Variants in MRPL34 observed in about 807,000 individuals in gnomAD.
The protein encoded by MRPL34 is mitochondrial ribosomal protein L34.
A neutral mutation model predicts 6.7 loss-of-function variants in MRPL34; 8 were observed. That is an observed-to-expected ratio of 1.20 (90% CI 0.70 to 2.16). MRPL34 has a LOEUF of 2.16. Ranked by LOEUF, MRPL34 falls within the 30% of genes most tolerant of loss-of-function variation. The pLI is 0.00. For missense variants in MRPL34, 146 were observed against 125.5 expected, an observed-to-expected ratio of 1.16 and a Z score of -0.78; for synonymous variants, 59 against 55.1, an observed-to-expected ratio of 1.07 and a Z score of -0.31.
chr19:17,294,682 A>G, intron 1 of MRPL34: 1 of 1,613,808 alleles, frequency 6.2e-7, no homozygotes, highest in Non-Finnish European at 8.5e-7. Flanking sequence ...CACTTGAGGA[A>G]GCTCCAGGCC....
chr19:17,306,085 G>A, intron 1 of MRPL34, 81 bp from the exon 2 acceptor site: 1 of 1,509,504 alleles, frequency 6.6e-7, no homozygotes, highest in Non-Finnish European at 9.0e-7. Context: ...CTGTCTCCGG[G>A]AGCCGAGGCT....
chr19:17,300,572 G>A (rs570259387), upstream of MRPL34, among the ~76,000 whole-genome samples: 1 of 151,922 alleles, frequency 6.6e-6, no homozygotes, highest in Non-Finnish European at 1.5e-5. Context: ...CCACCTCCTC[G>A]GTTCAAGTGA....
chr19:17,296,206 C>T (rs975407286), intron 1 of MRPL34: 1 of 151,192 alleles, frequency 6.6e-6, no homozygotes, highest in South Asian at 2.1e-4. Context: ...TTTCACCAGA[C>T]TTTTTATTTT....
At chr19:17,301,825 G>A (rs534228266), upstream of MRPL34, among the ~76,000 whole-genome samples, 1 of 148,230 alleles carries the variant, frequency 6.7e-6, no homozygotes, top group African/African-American at 2.5e-5. Flanking sequence ...AGACAGTCTC[G>A]CTTTGTCATC....
Position 17,305,891 on chromosome 19 carries a change from A to T in MRPL34, c.-2A>T, listed in dbSNP as rs1420250861. 9 of 1,613,848 alleles carry T rather than the reference A, an allele frequency of 5.6e-6. No homozygotes were observed. Among genetic ancestry groups the T allele is most frequent in the African/African-American group, 2.7e-5 (2 of 74,914 alleles). Reference sequence around the variant, plus strand: ...GCCGGTACTGCGGGACCCACTGCGGATATGGCTGTCTTGGCTGGATCCCTG... The same window carrying T: ...GCCGGTACTGCGGGACCCACTGCGGTTATGGCTGTCTTGGCTGGATCCCTG... On this transcript the variant is annotated 5_prime_UTR_variant, in exon 1 of 2. Coordinates refer to ENST00000252602, the MANE Select transcript of MRPL34 (RefSeq NM_023937.4).
chr19:17,294,362 T>A (rs759741263), intron 1 of MRPL34: 1 of 1,613,684 alleles, frequency 6.2e-7, no homozygotes, highest in Non-Finnish European at 8.5e-7. Context: ...ACGGGCACGG[T>A]GAGCTCGGCG....
chr19:17,305,680 T>C, upstream of MRPL34: 2 of 603,108 alleles, frequency 3.3e-6, no homozygotes, highest in East Asian at 2.8e-5. Flanking sequence ...GGCTACCTGT[T>C]GGTGTGTATG....
upstream of MRPL34, chr19:17,305,672 C>T (rs1439595877): frequency 5.1e-6 from 3 of 592,758 alleles, no homozygotes; most frequent in African/African-American, 5.6e-5. Context: ...CGTTCGCCGG[C>T]TACCTGTTGG....
upstream of MRPL34, among the ~76,000 whole-genome samples, chr19:17,299,641 G>A (rs1039713034): frequency 1.6e-4 from 24 of 151,708 alleles, no homozygotes; most frequent in African/African-American, 5.8e-4. Flanking sequence ...AGGCTGAGGT[G>A]CAAGGATCAC....
intron 1 of MRPL34, among the ~76,000 whole-genome samples, chr19:17,296,032 C>G (rs2074092553): frequency 6.6e-6 from 1 of 151,982 alleles, no homozygotes; most frequent in African/African-American, 2.4e-5. Flanking sequence ...TTCATGTCCT[C>G]CCCCTACCCA....
At position 17,297,332 on chromosome 19, in the gene MRPL34, G is replaced by A. The variant is rs143493940; in HGVS notation, c.214+4478G>A. 3.0e-3 allele frequency among the ~76,000 whole-genome samples: 461 copies of A among 152,156 alleles called. 1 individual carries two copies. The highest frequency in any genetic ancestry group is 0.011 in the African/African-American group (442 of 41,510). On this transcript the variant is annotated intron_variant, in intron 1 of 2. Coordinates refer to the MRPL34 transcript ENST00000595444. ...TTTTCTCGAGACAGAGTCTTGCTCT[G>A]TCACTCAGGCTGGAGTGCAATGGTG...
chr19:17,301,286 C>A, upstream of MRPL34: 1 of 1,606,582 alleles, frequency 6.2e-7, no homozygotes, highest in Non-Finnish European at 8.5e-7. Context: ...GGCGGCTCCC[C>A]AGAGCCATTC....
At chr19:17,293,898 C>G (rs2074081795) in intron 1 of MRPL34, among the ~76,000 whole-genome samples, 1 of 151,974 alleles carries the variant, frequency 6.6e-6, no homozygotes, top group African/African-American at 2.4e-5. Context: ...ATCCCCAGAC[C>G]CTTTCTAATC....
intron 1 of MRPL34, among the ~76,000 whole-genome samples, chr19:17,295,258 AC>A (rs974496044): frequency 1.5e-4 from 23 of 151,840 alleles, no homozygotes; most frequent in African/African-American, 4.6e-4. Flanking sequence ...GGCGCCCGCC[AC>A]CGCGCCCGGC....
At chr19:17,293,456 T>TG (rs975215785) in intron 1 of MRPL34, among the ~76,000 whole-genome samples, 97 of 6,550 alleles carry the variant, frequency 0.015, no homozygotes, top group African/African-American at 0.057. Context: ...CATTCTTTGC[T>TG]GGGGGGGCGG....
At position 17,306,171 on chromosome 19, in the gene MRPL34, T is replaced by C. The variant is rs760544334; in HGVS notation, c.71T>C (p.Leu24Pro). The C allele has an allele frequency of 6.7e-5, 102 of 1,526,914 alleles. No individual in the cohort carries two copies. In the African/African-American group the frequency reaches 1.4e-3, roughly 21 times the overall value. 94.6% of individuals were successfully genotyped at this position (1,526,914 alleles called of 1,614,324 possible). A position where few individuals can be genotyped will look rare whatever the true frequency, so the allele number is the denominator to read the frequency against. Residue 24 changes from leucine to proline, a missense_variant, in exon 2 of 2, where the codon CTC (leucine) becomes CCC (proline). By Grantham distance (98) the Leu-to-Pro change is moderately conservative (BLOSUM62 -3). Transcript: ENST00000252602. ...CCGTCCCTCTACCCACGCAGGTGGCTCCAGCCCCGGGCCTGGCTGGGGTTC... is the reference window on the plus strand; with the variant it reads ...CCGTCCCTCTACCCACGCAGGTGGCCCCAGCCCCGGGCCTGGCTGGGGTTC... ...RSAALLGGRW[L>P]QPRAWLGFPD...
Position 17,306,342 on chromosome 19 carries a change from G to A in MRPL34, c.242G>A (p.Arg81His), listed in dbSNP as rs968194875. 9.3e-6 allele frequency: 15 copies of A among 1,608,632 alleles called. No homozygotes were observed. In the African/African-American group the frequency reaches 1.7e-4, roughly 19 times the overall value. Residue 81 changes from arginine to histidine, a missense_variant, in exon 2 of 2, where the codon CGC (arginine) becomes CAC (histidine). By Grantham distance (29) the Arg-to-His change is conservative. Coordinates refer to ENST00000252602, the MANE Select transcript of MRPL34 (RefSeq NM_023937.4). ...STPAGVQVIL[R>H]RMLKGRKSLS... ...CCGGCCGGCGTGCAGGTCATCCTTC[G>A]CCGAATGCTCAAGGGCCGCAAGTCG...
chr19:17,295,802 G>A (rs1284782709), intron 1 of MRPL34, among the ~76,000 whole-genome samples: 1 of 152,136 alleles, frequency 6.6e-6, no homozygotes, highest in Non-Finnish European at 1.5e-5. Flanking sequence ...TGACTTCCTG[G>A]GCTCAAGAGA....
rs182592588 is a variant in MRPL34 at position 17,306,455 on chromosome 19, A to G, written c.*76A>G. 84 of 1,377,428 alleles carry G rather than the reference A, an allele frequency of 6.1e-5. No individual in the cohort carries two copies. Among genetic ancestry groups the G allele is most frequent in the Non-Finnish European group, 6.8e-6 (7 of 1,027,136 alleles). The allele number at this position is 1,377,428 out of a possible 1,614,324, so 85.3% of individuals were successfully genotyped here. A position where few individuals can be genotyped will look rare whatever the true frequency, so the allele number is the denominator to read the frequency against. On this transcript the variant is annotated 3_prime_UTR_variant, in exon 2 of 2. Transcript: ENST00000252602. ...GGACCTTGCCTGGCGCTATTTTTGC[A>G]GGGAGCTGGGGAGCAGGAACGCCTC...
Sources: allele counts gnomAD v4.1 joint callset (sites outside exome capture counted in the v4.1 genomes callset), GRCh38; gene constraint gnomAD v4.1.1; transcripts MANE v1.5; gene names NCBI Gene and HGNC (gene_info 2026-07-23, HGNC 2026-07-21).